Variants in DTNB observed in about 807,000 individuals in gnomAD.
The protein encoded by DTNB is dystrobrevin beta.
DTNB carries 63 observed loss-of-function variants against 90.7 expected under a neutral mutation model. That is an observed-to-expected ratio of 0.69 (90% CI 0.57 to 0.86). The LOEUF is 0.86. Ranked by LOEUF, DTNB falls within the 40% of genes least tolerant of loss-of-function variation. The pLI, the probability that DTNB is intolerant of heterozygous loss-of-function variation, is 0.00. For synonymous variants in DTNB, 277 were observed against 286.7 expected (o/e 0.97, Z 0.34); for missense variants, 744 against 807.1 (o/e 0.92, Z 0.95).
At chr2:25,404,079 C>A (rs1180957509) in intron 16 of DTNB, among the ~76,000 whole-genome samples, 1 of 152,192 alleles carries the variant, frequency 6.6e-6, no homozygotes, top group Admixed American at 6.5e-5. Context: ...GATCATGAAA[C>A]ACCCCCCACA....
At chr2:25,473,551 G>C (rs565385029) in intron 10 of DTNB, among the ~76,000 whole-genome samples, 1 of 152,326 alleles carries the variant, frequency 6.6e-6, no homozygotes, top group South Asian at 2.1e-4. Context: ...AAGAGAGTAT[G>C]TGTGGGGGCT....
chr2:25,548,608 T>G (rs77931950), intron 8 of DTNB, among the ~76,000 whole-genome samples: 1,910 of 152,084 alleles, frequency 0.013, 21 homozygotes, highest in Non-Finnish European at 0.021. Flanking sequence ...AATGGCAAGA[T>G]GTGAGCGCAG....
At chr2:25,388,480 A>C in intron 16 of DTNB, 119 bp from the exon 17 acceptor site, 1 of 1,335,904 alleles carries the variant, frequency 7.5e-7, no homozygotes, top group Non-Finnish European at 9.9e-7. Context: ...CAGTGGTACA[A>C]GATCATACTT....
chr2:25,465,939 C>T (rs1399276660), intron 10 of DTNB, among the ~76,000 whole-genome samples: 1 of 152,210 alleles, frequency 6.6e-6, no homozygotes, highest in East Asian at 1.9e-4. Context: ...AGCTAAATCA[C>T]CAGGCACCTC....
chr2:25,632,913 A>C (rs567606351), intron 3 of DTNB, among the ~76,000 whole-genome samples: 9 of 152,216 alleles, frequency 5.9e-5, no homozygotes, highest in Non-Finnish European at 1.0e-4. Flanking sequence ...AAAAATGCCC[A>C]CTATCATCAT....
chr2:25,589,217 G>A (rs760100546), intron 6 of DTNB, among the ~76,000 whole-genome samples: 107 of 152,054 alleles, frequency 7.0e-4, no homozygotes, highest in Non-Finnish European at 9.1e-4. Context: ...CACTGCCTCC[G>A]TGAATCAAGG....
In DTNB at chr2:25,448,903, T is replaced by C. The variant is rs182656609; in HGVS notation, c.1257+2645A>G. On this transcript the variant is annotated intron_variant, in intron 12 of 20. Coordinates refer to ENST00000406818, the MANE Select transcript of DTNB (RefSeq NM_021907.5). ...ATTTCATTTAATCCGTTTTGACAAA[T>C]GTACACTCCTGCAACCCACACCCCT... 1.8e-3 allele frequency among the ~76,000 whole-genome samples: 273 copies of C among 148,942 alleles called. 1 individual carries two copies. The highest frequency in any genetic ancestry group is 6.3e-3 in the African/African-American group (256 of 40,612).
chr2:25,605,365 T>G (rs1233730248), intron 5 of DTNB, among the ~76,000 whole-genome samples: 1 of 152,220 alleles, frequency 6.6e-6, no homozygotes, highest in African/African-American at 2.4e-5. Context: ...GCTTGGCCCG[T>G]GGGCTTTTGC....
intron 14 of DTNB, among the ~76,000 whole-genome samples, chr2:25,428,767 A>G (rs577862848): frequency 5.3e-5 from 8 of 152,252 alleles, no homozygotes; most frequent in African/African-American, 1.9e-4. Flanking sequence ...AAGCAGTGAA[A>G]TAGAAGTCAA....
chr2:25,448,756 A>G (rs1438227141), intron 12 of DTNB, among the ~76,000 whole-genome samples: 1 of 150,652 alleles, frequency 6.6e-6, no homozygotes, highest in African/African-American at 2.4e-5. Context: ...CAGGAGGCTG[A>G]GGCAGGAGAA....
At chr2:25,399,117 C>T (rs960089087) in intron 16 of DTNB, among the ~76,000 whole-genome samples, 4 of 152,094 alleles carry the variant, frequency 2.6e-5, no homozygotes, top group African/African-American at 7.2e-5. Context: ...GGCGCGATCT[C>T]GGCTCACTGC....
chr2:25,633,532 C>A (rs930944266), intron 3 of DTNB, among the ~76,000 whole-genome samples: 12 of 152,198 alleles, frequency 7.9e-5, no homozygotes, highest in Admixed American at 2.0e-4. Context: ...ACCTCCCAGC[C>A]GCCTGCCTTG....
chr2:25,607,385 A>ACTAAATAC, intron 4 of DTNB, 64 bp from the exon 5 acceptor site: 3 of 1,479,512 alleles, frequency 2.0e-6, no homozygotes, highest in Non-Finnish European at 2.8e-6. Flanking sequence ...CGAATGTATC[A>ACTAAATAC]CTAAATACTG....
rs1198592489 is a variant in DTNB, at chr2:25,612,620, A to G, written c.363-5299T>C. On this transcript the variant is annotated intron_variant, in intron 4 of 20. Transcript: ENST00000406818. ...GCTGAAAACAGAAAAATAGAGAAAAATATCAATAAAACCAAAAGCTGCTTC... is the reference window on the plus strand; with the variant it reads ...GCTGAAAACAGAAAAATAGAGAAAAGTATCAATAAAACCAAAAGCTGCTTC... Among the ~76,000 whole-genome samples, 5 of 152,138 alleles carry G rather than the reference A, an allele frequency of 3.3e-5. No homozygotes were observed. In the East Asian group the frequency reaches 9.6e-4, roughly 29 times the overall value.
chr2:25,535,459 G>A (rs1436717633), intron 8 of DTNB, among the ~76,000 whole-genome samples: 1 of 147,756 alleles, frequency 6.8e-6, no homozygotes, highest in African/African-American at 2.5e-5. Flanking sequence ...ATTCGGGGCA[G>A]CCAGGCAGAG....
intron 1 of DTNB, among the ~76,000 whole-genome samples, chr2:25,655,547 G>T (rs1319104944): frequency 6.6e-6 from 1 of 152,168 alleles, no homozygotes; most frequent in Non-Finnish European, 1.5e-5. Context: ...AACGTCTGTT[G>T]ATATGGGCCA....
Position 25,580,618 on chromosome 2 carries a change from T to C in DTNB, c.709+103A>G, listed in dbSNP as rs938595680. On this transcript the variant is annotated intron_variant, in intron 7 of 20. Transcript: ENST00000406818. ...TGAAATGACAGAATGACAGCAAATGTCAACTGTAATTTTCAATGATATTAA... is the reference window on the plus strand; with the variant it reads ...TGAAATGACAGAATGACAGCAAATGCCAACTGTAATTTTCAATGATATTAA... 4 of 1,109,624 alleles carry C rather than the reference T, an allele frequency of 3.6e-6. No individual in the cohort carries two copies. In the Admixed American group the frequency reaches 6.3e-5, roughly 18 times the overall value. The allele number at this position is 1,109,624 out of a possible 1,614,324, so 68.7% of individuals were successfully genotyped here. A position where few individuals can be genotyped will look rare whatever the true frequency, so the allele number is the denominator to read the frequency against.
At chr2:25,478,574 G>A (rs965168214) in intron 10 of DTNB, among the ~76,000 whole-genome samples, 9 of 151,864 alleles carry the variant, frequency 5.9e-5, no homozygotes, top group African/African-American at 2.2e-4. Flanking sequence ...GCTGAGGCTG[G>A]AGTGCAGTGG....
Position 25,498,025 on chromosome 2 carries a change from C to T in DTNB, c.1002-15152G>A, listed in dbSNP as rs374814360. Among the ~76,000 whole-genome samples the T allele has an allele frequency of 1.7e-4, 26 of 152,250 alleles. 1 individual carries two copies. Among genetic ancestry groups the T allele is most frequent in the African/African-American group, 6.0e-4 (25 of 41,554 alleles). ...ACTAGTCTCCCAAATTAGAACAAAA[C>T]TCTTTGTCTGTGCAGGCACTGCCCA... On this transcript the variant is annotated intron_variant, in intron 9 of 20. Transcript: ENST00000406818.
Sources: allele counts gnomAD v4.1 joint callset (sites outside exome capture counted in the v4.1 genomes callset), GRCh38; gene constraint gnomAD v4.1.1; transcripts MANE v1.5; gene names NCBI Gene and HGNC (gene_info 2026-07-23, HGNC 2026-07-21).